Variants in CACNA1A observed in about 807,000 individuals in gnomAD.
The protein encoded by CACNA1A is voltage-dependent P/Q-type calcium channel subunit alpha-1A.
CACNA1A carries 57 observed loss-of-function variants against 262.4 expected under a neutral mutation model. That is an observed-to-expected ratio of 0.22 (90% confidence interval 0.18 to 0.27). The LOEUF is 0.27. Ranked by LOEUF, CACNA1A falls within the 10% of genes least tolerant of loss-of-function variation. The pLI is 1.00. For synonymous variants in CACNA1A, 1,431 were observed against 1,419.3 expected (o/e 1.01, Z -0.18); for missense variants, 2,526 against 3,562.8 (o/e 0.71, Z 7.41).
rs937968213 is a variant in CACNA1A at position 13,267,295 on chromosome 19, A to C, written c.3990-4462T>G. 7.9e-5 allele frequency among the ~76,000 whole-genome samples: 12 copies of C among 152,302 alleles called. No individual in the cohort carries two copies. The South Asian group carries it at 1.9e-3, about 24-fold the overall frequency. On this transcript the variant is annotated intron_variant, in intron 24 of 46. Transcript: ENST00000360228. ...ACACACGCACCCCTGAGCACCCCCGAGTCCCGCCCGGGCAGCAGTTGGGGG... is the reference window on the plus strand; with the variant it reads ...ACACACGCACCCCTGAGCACCCCCGCGTCCCGCCCGGGCAGCAGTTGGGGG...
intron 6 of CACNA1A, among the ~76,000 whole-genome samples, chr19:13,349,350 C>T (rs1288870797): frequency 1.3e-5 from 2 of 152,200 alleles, no homozygotes; most frequent in Non-Finnish European, 2.9e-5. Flanking sequence ...ACATCCCCTC[C>T]TTGGGGGCAA....
chr19:13,356,481 T>C (rs778091572), intron 6 of CACNA1A, among the ~76,000 whole-genome samples: 4 of 152,108 alleles, frequency 2.6e-5, no homozygotes, highest in South Asian at 2.1e-4. Context: ...TCCCCAGAGG[T>C]GGCTTAGCTC....
chr19:13,403,715 T>A (rs886499970), intron 3 of CACNA1A, among the ~76,000 whole-genome samples: 1 of 151,970 alleles, frequency 6.6e-6, no homozygotes, highest in Non-Finnish European at 1.5e-5. Context: ...GTGGGGGGAT[T>A]GCTTGAACCT....
chr19:13,209,502 G>T lies in CACNA1A; in HGVS notation c.6340-4C>A, dbSNP rs2054722533. ...TGGGGCTGGTGTCTGAGATGGTCTG[G>T]GGGAGGGGACAGGCCGGTGGGCTGG... is the stretch of plus-strand genomic sequence containing the variant. On this transcript the variant is annotated splice_region_variant and splice_polypyrimidine_tract_variant and intron_variant, in intron 44 of 46. Coordinates refer to ENST00000360228, the MANE Select transcript of CACNA1A (RefSeq NM_001127222.2). The T allele has an allele frequency of 7.6e-7, 1 of 1,307,954 alleles. No homozygotes were observed. The highest frequency in any genetic ancestry group is 2.8e-5 in the South Asian group (1 of 35,946). 81.0% of individuals were successfully genotyped at this position (1,307,954 alleles called of 1,614,324 possible). A position where few individuals can be genotyped will look rare whatever the true frequency, so the allele number is the denominator to read the frequency against.
intron 22 of CACNA1A, among the ~76,000 whole-genome samples, chr19:13,281,970 C>T (rs144885474): frequency 9.8e-5 from 15 of 152,342 alleles, no homozygotes; most frequent in South Asian, 2.1e-4. Context: ...TCAGCATCCT[C>T]GCGTCAGCAG....
chr19:13,233,482 T>TA (rs78591930), intron 34 of CACNA1A, among the ~76,000 whole-genome samples: 1 of 152,104 alleles, frequency 6.6e-6, no homozygotes, highest in South Asian at 2.1e-4. Context: ...TTTTAAAAAT[T>TA]AAAAAAATAT....
At chr19:13,441,667 GAAAA>G (rs758379687) in intron 3 of CACNA1A, among the ~76,000 whole-genome samples, 1 of 113,884 alleles carries the variant, frequency 8.8e-6, no homozygotes. Context: ...CTGTCTCGAG[GAAAA>G]AAAAAAAAAA....
intron 1 of CACNA1A, among the ~76,000 whole-genome samples, chr19:13,478,801 T>C (rs1978893087): frequency 6.6e-6 from 1 of 152,244 alleles, no homozygotes; most frequent in African/African-American, 2.4e-5. Context: ...GAAGCCACAG[T>C]GCTCACTCAT....
intron 1 of CACNA1A, among the ~76,000 whole-genome samples, chr19:13,466,773 G>A (rs532341200): frequency 5.3e-5 from 8 of 152,114 alleles, no homozygotes; most frequent in South Asian, 2.1e-4. Flanking sequence ...AATAAATTCC[G>A]TGATGTGAAA....
chr19:13,288,816 C>T (rs2057466741), intron 19 of CACNA1A, among the ~76,000 whole-genome samples: 1 of 152,168 alleles, frequency 6.6e-6, no homozygotes, highest in Non-Finnish European at 1.5e-5. Context: ...AAAAGGCTGG[C>T]TTTCCCCAGA....
At chr19:13,387,254 C>T (rs1285922872) in intron 3 of CACNA1A, among the ~76,000 whole-genome samples, 2 of 152,160 alleles carry the variant, frequency 1.3e-5, no homozygotes, top group East Asian at 3.8e-4. Flanking sequence ...CTGCGCCCGG[C>T]CTCCATTTTT....
At chr19:13,230,401 G>A (rs984293440) in intron 35 of CACNA1A, among the ~76,000 whole-genome samples, 192 bp from the exon 36 acceptor site, 1 of 152,102 alleles carries the variant, frequency 6.6e-6, no homozygotes, top group Non-Finnish European at 1.5e-5. Context: ...ACTGGGGAAT[G>A]GAGAGGTGAT....
Position 13,207,986 on chromosome 19 carries a change from C to A in CACNA1A, c.6848G>T (p.Arg2283Leu), listed in dbSNP as rs1376146668. ...GGAGGGGGTCTGGGGGAGCTGGCGG[C>A]GGCCCCGCCGCGGAGTGCTGGTACC... ...TSGTSTPRRG[R>L]RQLPQTPSTP... Residue 2283 changes from arginine (R) to leucine (L), a missense_variant, in exon 47 of 47, where the codon CGC becomes CTC. Coordinates refer to ENST00000360228, the MANE Select transcript of CACNA1A (RefSeq NM_001127222.2). The surrounding 1 kb of genome is among the most constrained non-coding windows in gnomAD (Gnocchi z 5.7). 1 of 1,329,700 alleles carries A rather than the reference C, an allele frequency of 7.5e-7. No homozygotes were observed. The allele number at this position is 1,329,700 out of a possible 1,614,324, so 82.4% of individuals were successfully genotyped here.
intron 3 of CACNA1A, among the ~76,000 whole-genome samples, chr19:13,392,048 G>GA (rs2059719717): frequency 7.3e-6 from 1 of 136,402 alleles, no homozygotes; most frequent in African/African-American, 2.7e-5. Context: ...AAAAAAAAAA[G>GA]AAAAAAAAGA....
intron 3 of CACNA1A, among the ~76,000 whole-genome samples, chr19:13,434,268 T>C (rs963285429): frequency 5.9e-5 from 9 of 152,162 alleles, no homozygotes; most frequent in African/African-American, 2.2e-4. Flanking sequence ...GTGATCCTCC[T>C]GTCTCGGCCT....
At chr19:13,505,084 T>C (rs2145188486) in intron 1 of CACNA1A, among the ~76,000 whole-genome samples, 1 of 152,336 alleles carries the variant, frequency 6.6e-6, no homozygotes, top group South Asian at 2.1e-4. Flanking sequence ...TGCTCTAAAA[T>C]GGACCCACCA....
intron 37 of CACNA1A, chr19:13,226,521 G>A (rs1236894822): frequency 2.0e-5 from 3 of 152,284 alleles, no homozygotes; most frequent in African/African-American, 7.2e-5. Context: ...CTTTTTGGGT[G>A]GGGAGAATCT....
chr19:13,349,730 T>C (rs2058872179), intron 6 of CACNA1A, among the ~76,000 whole-genome samples: 1 of 152,248 alleles, frequency 6.6e-6, no homozygotes, highest in South Asian at 2.1e-4. Flanking sequence ...TCAATCGCTG[T>C]GCACAGCTCT....
At chr19:13,233,489 AT>A (rs1488883205) in intron 34 of CACNA1A, among the ~76,000 whole-genome samples, 2 of 152,140 alleles carry the variant, frequency 1.3e-5, no homozygotes, top group African/African-American at 4.8e-5. Flanking sequence ...AATTAAAAAA[AT>A]ATATTTTTCT....
Sources: gnomAD v4.1 joint callset for allele counts (sites outside exome capture counted in the v4.1 genomes callset) on GRCh38, gnomAD v4.1.1 for gene constraint, Gnocchi (gnomAD v3.1) non-coding constraint, MANE v1.5 for transcripts, NCBI Gene and HGNC (gene_info 2026-07-23, HGNC 2026-07-21) for gene names.